The following EZH2 variants were observed in gnomAD, a reference collection of about 807,000 sequenced individuals.
EZH2 encodes histone-lysine N-methyltransferase EZH2.
EZH2 carries 18 observed loss-of-function variants against 98.4 expected under a neutral mutation model. The observed-to-expected ratio is 0.18, with a 90% CI of 0.13 to 0.27. The LOEUF is 0.27. Among genes scored for constraint, EZH2 ranks in the 10% least tolerant of loss-of-function variants. The pLI, the probability that EZH2 is intolerant of heterozygous loss-of-function variation, is 1.00. For synonymous variants in EZH2, 338 were observed against 312.3 expected (o/e 1.08, Z -0.87); for missense variants, 470 against 935.1 (o/e 0.50, Z 6.49).
At chr7:148,857,223 A>C (rs1006513003) in intron 1 of EZH2, among the ~76,000 whole-genome samples, 2 of 152,214 alleles carry the variant, frequency 1.3e-5, no homozygotes, top group African/African-American at 4.8e-5. Context: ...GGTCATGAAA[A>C]ATAAGGAAAT....
At chr7:148,829,704 C>A (rs745509260) in intron 5 of EZH2, 24 bp downstream of exon 5, 7 of 1,597,304 alleles carry the variant, frequency 4.4e-6, no homozygotes, top group Non-Finnish European at 6.0e-6. Context: ...CCCCTTTTTC[C>A]AAGAGAAGAA....
rs142835355 is a variant in EZH2, at chr7:148,813,052, TACACACACACAC to T, written c.1851+895_1851+906del. ...AGATATGTCTACTCTACACCCCACATACACACACACACACACACACACACACACACACAGAGC... is the reference window on the plus strand; with the variant it reads ...AGATATGTCTACTCTACACCCCACATACACACACACACACACACACAGAGC... On this transcript the variant is annotated intron_variant, in intron 15 of 19. Coordinates refer to ENST00000320356, the MANE Select transcript of EZH2 (RefSeq NM_004456.5). Among the ~76,000 whole-genome samples, 10 of 132,182 alleles carry T rather than the reference TACACACACACAC, an allele frequency of 7.6e-5. No individual in the cohort carries two copies. In the South Asian group the frequency reaches 9.5e-4, roughly 13 times the overall value. The allele number at this position is 132,182 out of a possible 152,430, so 86.7% of individuals were successfully genotyped here.
chr7:148,820,701 C>T lies in EZH2; in HGVS notation c.908-1014G>A, dbSNP rs1461437731. ...TTACGTTTGTTAAGGAACCCTAATACAACTGTTTTTCTGTTTATGAGTTAA... is the reference window on the plus strand; with the variant it reads ...TTACGTTTGTTAAGGAACCCTAATATAACTGTTTTTCTGTTTATGAGTTAA... On this transcript the variant is annotated intron_variant, in intron 8 of 19. Coordinates refer to ENST00000320356, the MANE Select transcript of EZH2 (RefSeq NM_004456.5). 3.9e-5 allele frequency among the ~76,000 whole-genome samples: 6 copies of T among 152,248 alleles called. No homozygotes were observed. In the East Asian group the frequency reaches 1.2e-3, roughly 29 times the overall value.
intron 1 of EZH2, among the ~76,000 whole-genome samples, chr7:148,869,270 G>A (rs189717382): frequency 6.6e-6 from 1 of 151,568 alleles, no homozygotes; most frequent in Non-Finnish European, 1.5e-5. Context: ...GTTTGACCTG[G>A]GTAACAGAAA....
At chr7:148,831,969 C>T (rs562984234) in intron 4 of EZH2, among the ~76,000 whole-genome samples, 1 of 152,318 alleles carries the variant, frequency 6.6e-6, no homozygotes, top group South Asian at 2.1e-4. Context: ...CCATAATGTA[C>T]ATTATCACAA....
At chr7:148,878,506 C>A (rs1330401788) in intron 1 of EZH2, among the ~76,000 whole-genome samples, 1 of 152,166 alleles carries the variant, frequency 6.6e-6, no homozygotes, top group Non-Finnish European at 1.5e-5. Context: ...AATTTCACTC[C>A]TTTTACGTCT....
intron 15 of EZH2, 38 bp downstream of exon 15, chr7:148,813,921 A>T: frequency 6.3e-7 from 1 of 1,587,912 alleles, no homozygotes; most frequent in Non-Finnish European, 8.6e-7. Flanking sequence ...CTAAATAGCT[A>T]ACTACAAACA....
chr7:148,842,054 T>C (rs946384440), intron 3 of EZH2, among the ~76,000 whole-genome samples: 1 of 152,212 alleles, frequency 6.6e-6, no homozygotes, highest in Non-Finnish European at 1.5e-5. Context: ...CTATTAGACA[T>C]TCTGAAGCCC....
Position 148,809,118 on chromosome 7 carries a change from A to G in EZH2, c.2148T>C (p.Phe716=). 1.2e-6 allele frequency: 2 copies of G among 1,614,230 alleles called. No homozygotes were observed. Among genetic ancestry groups the G allele is most frequent in the Non-Finnish European group, 1.7e-6 (2 of 1,180,036 alleles). The change falls in exon 19 of 20, where the codon TTT becomes TTC. Residue 716 remains phenylalanine (F), a synonymous_variant. Coordinates refer to ENST00000320356, the MANE Select transcript of EZH2 (RefSeq NM_004456.5). ...MVNGDHRIGI[F]AKRAIQTGEE... is the part of the protein sequence containing the mutation. Reference sequence around the variant, plus strand: ...CGCCAGTCTGGATGGCTCTCTTGGCAAAAATACCTATCCTGTGATCACCGT... The same window carrying G: ...CGCCAGTCTGGATGGCTCTCTTGGCGAAAATACCTATCCTGTGATCACCGT...
chr7:148,812,710 GA>G (rs1187962356), intron 15 of EZH2, among the ~76,000 whole-genome samples: 1 of 152,130 alleles, frequency 6.6e-6, no homozygotes, highest in Admixed American at 6.5e-5. Context: ...GTTTGGGGGG[GA>G]AATTGAGATT....
At chr7:148,879,805 C>T (rs560992742) in intron 1 of EZH2, among the ~76,000 whole-genome samples, 1 of 145,574 alleles carries the variant, frequency 6.9e-6, no homozygotes, top group East Asian at 2.0e-4. Context: ...GACTCCGTCT[C>T]AAAAAAAAAA....
Position 148,858,109 on chromosome 7 carries a change from G to A in EZH2, c.-7-10804C>T, listed in dbSNP as rs545542080. Among the ~76,000 whole-genome samples the A allele has an allele frequency of 1.0e-3, 152 of 152,052 alleles. 2 individuals are homozygous for A. The highest frequency in any genetic ancestry group is 3.4e-3 in the African/African-American group (141 of 41,504). On this transcript the variant is annotated intron_variant, in intron 1 of 19. Coordinates refer to ENST00000320356, the MANE Select transcript of EZH2 (RefSeq NM_004456.5). Reference sequence around the variant, plus strand: ...AGATCGAGACCATTCTTGCTAACAAGGTGAAACCCCATCTCTACTAAAAAT... The same window carrying A: ...AGATCGAGACCATTCTTGCTAACAAAGTGAAACCCCATCTCTACTAAAAAT...
In EZH2 at chr7:148,832,619, AT is replaced by A. The variant is rs1470273566; in HGVS notation, c.363+14del. The A allele has an allele frequency of 2.3e-6, 3 of 1,291,134 alleles. No homozygotes were observed. The highest frequency in any genetic ancestry group is 3.3e-6 in the Non-Finnish European group (3 of 915,950). The allele number at this position is 1,291,134 out of a possible 1,614,324, so 80.0% of individuals were successfully genotyped here. A position where few individuals can be genotyped will look rare whatever the true frequency, so the allele number is the denominator to read the frequency against. The stretch of plus-strand genomic sequence containing the variant: ...AGTTATTATCAAATAAGCAGAAGAT[AT>A]CTTATTTACATACCATAAAATTCTG... On this transcript the variant is annotated intron_variant, in intron 4 of 19. Coordinates refer to ENST00000320356, the MANE Select transcript of EZH2 (RefSeq NM_004456.5).
chr7:148,822,710 G>A (rs998957525), intron 8 of EZH2, among the ~76,000 whole-genome samples: 2 of 152,106 alleles, frequency 1.3e-5, no homozygotes, highest in African/African-American at 4.8e-5. Flanking sequence ...GAGAGGCTGA[G>A]GTGGGTGGAT....
chr7:148,846,054 T>C (rs888252461), intron 3 of EZH2, among the ~76,000 whole-genome samples: 1 of 152,230 alleles, frequency 6.6e-6, no homozygotes, highest in Non-Finnish European at 1.5e-5. Flanking sequence ...GCTTAGCCTT[T>C]GAACAAAATA....
intron 1 of EZH2, among the ~76,000 whole-genome samples, chr7:148,861,155 T>A (rs1817608447): frequency 6.6e-6 from 1 of 152,074 alleles, no homozygotes; most frequent in African/African-American, 2.4e-5. Flanking sequence ...ATCATCTGGC[T>A]CTAGATTACT....
Position 148,832,714 on chromosome 7 carries a change from C to T in EZH2, c.283G>A (p.Val95Ile), listed in dbSNP as rs2129478065. The stretch of plus-strand genomic sequence containing the variant: ...GCATTCAGAGTCTTTAATGGGATGA[C>T]TTGTGTTGGAAAATCCAAGTCACTG... Reference protein sequence around the residue: ...VTSDLDFPTQVIPLKTLNAVA... With the variant: ...VTSDLDFPTQIIPLKTLNAVA... The change falls in exon 4 of 20, where the codon GTC becomes ATC. Residue 95 changes from valine to isoleucine, a missense_variant. This residue lies in a region of EZH2 where 79 missense variants were observed against 122.1 expected (regional missense o/e 0.65). Transcript: ENST00000320356. 2 of 1,608,958 alleles carry T rather than the reference C, an allele frequency of 1.2e-6. No individual in the cohort carries two copies. The highest frequency in any genetic ancestry group is 2.2e-5 in the East Asian group (1 of 44,804).
At chr7:148,884,050 T>C (rs1461659956) in intron 1 of EZH2, 114 bp downstream of exon 1, 1 of 151,080 alleles carries the variant, frequency 6.6e-6, no homozygotes, top group Non-Finnish European at 1.5e-5. Flanking sequence ...TGAGCCCCGC[T>C]CGGCGATACC....
chr7:148,845,814 G>C (rs1283812355), intron 3 of EZH2, among the ~76,000 whole-genome samples: 1 of 151,978 alleles, frequency 6.6e-6, no homozygotes, highest in Admixed American at 6.6e-5. Flanking sequence ...TACAACACAG[G>C]CACTTAAAAA....
Sources: allele counts gnomAD v4.1 joint callset (sites outside exome capture counted in the v4.1 genomes callset), GRCh38; gene constraint gnomAD v4.1.1; regional missense constraint gnomAD v4.1.1; transcripts MANE v1.5; gene names NCBI Gene and HGNC (gene_info 2026-07-23, HGNC 2026-07-21).